SCAPER: variants seen among roughly 807,000 people sequenced by gnomAD.
SCAPER encodes S-phase cyclin A associated protein in the ER, also known as S phase cyclin A-associated protein in the endoplasmic reticulum.
SCAPER carries 98 observed loss-of-function variants against 182.2 expected under a neutral mutation model. The ratio of observed to expected loss-of-function variants is 0.54; its 90% CI spans 0.46 to 0.64. The LOEUF (loss-of-function observed/expected upper bound fraction) is 0.64. SCAPER is among the 30% of genes least tolerant of loss of function. The pLI, the probability that SCAPER is intolerant of heterozygous loss-of-function variation, is 0.00. For missense variants in SCAPER, 1,432 were observed against 1,690.0 expected, an observed-to-expected ratio of 0.85 and a Z score of 2.68; for synonymous variants, 605 against 564.6, an observed-to-expected ratio of 1.07 and a Z score of -1.01.
In SCAPER at chr15:76,795,361, T is replaced by G. The variant is rs1432843583; in HGVS notation, c.691A>C (p.Thr231Pro). The change falls in exon 8 of 32, where the codon ACA becomes CCA. Residue 231 changes from threonine (T) to proline (P), a missense_variant. Thr to Pro is a conservative substitution (Grantham distance 38). This residue lies in a region of SCAPER where 480 missense variants were observed against 510.2 expected (regional missense o/e 0.94). Transcript: ENST00000563290. Reference protein sequence around the residue: ...SWADKVKAHHTGSTASSEITP... With the variant: ...SWADKVKAHHPGSTASSEITP... The stretch of plus-strand genomic sequence containing the variant: ...ATTTCTGAAGAAGCAGTAGAGCCTG[T>G]ATGATGAGCCTTTACCTTGTCAGCC... 1.2e-6 allele frequency: 2 copies of G among 1,613,408 alleles called. No individual in the cohort carries two copies. Among genetic ancestry groups the G allele is most frequent in the Admixed American group, 3.3e-5 (2 of 59,992 alleles).
intron 8 of SCAPER, among the ~76,000 whole-genome samples, chr15:76,787,343 A>G (rs1261126305): frequency 6.6e-6 from 1 of 152,208 alleles, no homozygotes; most frequent in African/African-American, 2.4e-5. Context: ...AATTTTTTAT[A>G]AAATTGCAAA....
chr15:76,854,371 A>G (rs966926705), intron 4 of SCAPER, among the ~76,000 whole-genome samples: 76 of 152,342 alleles, frequency 5.0e-4, no homozygotes, highest in Middle Eastern at 3.4e-3. Flanking sequence ...GCGACAAAAA[A>G]GAATAAAATA....
At chr15:76,572,506 C>T (rs2145344387) in intron 23 of SCAPER, among the ~76,000 whole-genome samples, 1 of 152,318 alleles carries the variant, frequency 6.6e-6, no homozygotes, top group Non-Finnish European at 1.5e-5. Context: ...CTTTCGATTC[C>T]TCCAGACGAC....
chr15:76,659,634 T>A (rs2146673906), intron 21 of SCAPER, among the ~76,000 whole-genome samples: 1 of 152,280 alleles, frequency 6.6e-6, no homozygotes, highest in South Asian at 2.1e-4. Flanking sequence ...ATGTTTAACA[T>A]CACTATTCAT....
intron 7 of SCAPER, among the ~76,000 whole-genome samples, chr15:76,796,543 C>T (rs2065340473): frequency 6.6e-6 from 1 of 152,146 alleles, no homozygotes; most frequent in Non-Finnish European, 1.5e-5. Context: ...AGTAGATATA[C>T]AAAATGTAGT....
intron 5 of SCAPER, among the ~76,000 whole-genome samples, chr15:76,806,063 A>G (rs1380161234): frequency 1.3e-5 from 2 of 152,134 alleles, no homozygotes; most frequent in Non-Finnish European, 2.9e-5. Flanking sequence ...TTTGACACAC[A>G]CAAGTTTTTA....
intron 21 of SCAPER, among the ~76,000 whole-genome samples, chr15:76,664,469 T>C (rs2056421074): frequency 6.6e-6 from 1 of 152,098 alleles, no homozygotes; most frequent in African/African-American, 2.4e-5. Context: ...GAGAAGACTA[T>C]GAAATGAGGT....
intron 14 of SCAPER, among the ~76,000 whole-genome samples, chr15:76,756,851 A>C (rs2062464037): frequency 6.6e-6 from 1 of 152,308 alleles, no homozygotes. Flanking sequence ...AAATACAATA[A>C]TGTTAAGTAA....
chr15:76,382,405 T>TA (rs1410755960), intron 27 of SCAPER, among the ~76,000 whole-genome samples: 2,299 of 143,908 alleles, frequency 0.016, 61 homozygotes, highest in African/African-American at 0.055. Context: ...TCACAGGTGT[T>TA]AAAAAAAAAA....
intron 21 of SCAPER, among the ~76,000 whole-genome samples, chr15:76,661,688 C>T (rs1293009220): frequency 6.6e-6 from 1 of 152,026 alleles, no homozygotes; most frequent in Non-Finnish European, 1.5e-5. Flanking sequence ...AAAAACAATG[C>T]TGGGGAGGCT....
intron 28 of SCAPER, chr15:76,380,545 T>C (rs1272069923): frequency 6.6e-6 from 1 of 152,210 alleles, no homozygotes; most frequent in Non-Finnish European, 1.5e-5. Flanking sequence ...TTCATACATT[T>C]GTTTCTCTAT....
chr15:76,466,615 C>G (rs1596800810), intron 25 of SCAPER, among the ~76,000 whole-genome samples: 1 of 151,232 alleles, frequency 6.6e-6, no homozygotes, highest in African/African-American at 2.4e-5. Context: ...GGCCATGTTT[C>G]CCTGTTTCTT....
At chr15:76,452,226 G>A (rs1301855494) in intron 25 of SCAPER, among the ~76,000 whole-genome samples, 1 of 152,076 alleles carries the variant, frequency 6.6e-6, no homozygotes, top group African/African-American at 2.4e-5. Flanking sequence ...GTATTTCCAG[G>A]CTTGTTAGAC....
At chr15:76,778,443 A>G (rs746753058) in intron 8 of SCAPER, among the ~76,000 whole-genome samples, 15 of 152,250 alleles carry the variant, frequency 9.9e-5, no homozygotes, top group South Asian at 6.2e-4. Flanking sequence ...AGTAAATCAA[A>G]AGAGAATCAA....
intron 16 of SCAPER, among the ~76,000 whole-genome samples, chr15:76,729,509 G>C (rs907456773): frequency 6.6e-6 from 1 of 151,954 alleles, no homozygotes; most frequent in Non-Finnish European, 1.5e-5. Flanking sequence ...TTTCATGATG[G>C]AATTAAGTAA....
chr15:76,437,640 T>C (rs1394715603), intron 25 of SCAPER, among the ~76,000 whole-genome samples: 1 of 152,232 alleles, frequency 6.6e-6, no homozygotes. Flanking sequence ...TCCAACAACC[T>C]TGTACTGTTT....
At chr15:76,763,905 T>G (rs2062949558) in intron 14 of SCAPER, among the ~76,000 whole-genome samples, 1 of 152,228 alleles carries the variant, frequency 6.6e-6, no homozygotes, top group Non-Finnish European at 1.5e-5. Flanking sequence ...CACCGTTCAC[T>G]GACCTTCAAC....
chr15:76,826,424 AG>A (rs1260045596), intron 5 of SCAPER, among the ~76,000 whole-genome samples: 73 of 74,524 alleles, frequency 9.8e-4, no homozygotes, highest in African/African-American at 3.9e-3. Flanking sequence ...GGGTGGGGGG[AG>A]GGGGGAGGGA....
At chr15:76,795,974 T>C (rs998242407) in intron 7 of SCAPER, among the ~76,000 whole-genome samples, 10 of 151,850 alleles carry the variant, frequency 6.6e-5, no homozygotes, top group Non-Finnish European at 1.3e-4. Context: ...GGCATGAGAA[T>C]TGCTTGAGCC....
Sources: allele counts gnomAD v4.1 joint callset (sites outside exome capture counted in the v4.1 genomes callset), GRCh38; gene constraint gnomAD v4.1.1; regional missense constraint gnomAD v4.1.1; transcripts MANE v1.5; gene names NCBI Gene and HGNC (gene_info 2026-07-23, HGNC 2026-07-21).